The following ZNRF1 variants were observed in gnomAD, a reference collection of about 807,000 sequenced individuals.
ZNRF1 encodes the protein zinc and ring finger 1, also known as E3 ubiquitin-protein ligase ZNRF1.
Under a neutral mutation model 18.4 loss-of-function variants are expected in ZNRF1, and 3 were observed. The ratio of observed to expected loss-of-function variants is 0.16; its 90% confidence interval spans 0.07 to 0.42. The LOEUF is 0.42. Ranked by LOEUF, ZNRF1 falls within the 10% of genes least tolerant of loss-of-function variation. The pLI is 0.99. For missense variants in ZNRF1, 310 were observed against 329.8 expected, an observed-to-expected ratio of 0.94 and a Z score of 0.47; for synonymous variants, 157 against 144.2, an observed-to-expected ratio of 1.09 and a Z score of -0.64.
At chr16:75,094,471 C>T (rs2036176379) in intron 2 of ZNRF1, among the ~76,000 whole-genome samples, 1 of 152,218 alleles carries the variant, frequency 6.6e-6, no homozygotes, top group Non-Finnish European at 1.5e-5. Context: ...TCAAATCTCC[C>T]TCTACCACTC....
chr16:75,066,874 T>C (rs549531533), intron 1 of ZNRF1, among the ~76,000 whole-genome samples: 1 of 152,308 alleles, frequency 6.6e-6, no homozygotes, highest in East Asian at 1.9e-4. Context: ...TTTCAGTAAC[T>C]GTGGGGTAAC....
intron 4 of ZNRF1, 41 bp from the exon 5 acceptor site, chr16:75,107,692 C>T (rs763203936): frequency 2.6e-5 from 12 of 456,142 alleles, no homozygotes; most frequent in African/African-American, 8.0e-5. Flanking sequence ...AGACAGCCCT[C>T]GGCCCGATGG....
At chr16:75,081,789 C>G (rs1170741419) in intron 1 of ZNRF1, among the ~76,000 whole-genome samples, 1 of 152,166 alleles carries the variant, frequency 6.6e-6, no homozygotes, top group Non-Finnish European at 1.5e-5. Flanking sequence ...AATTCTTGGG[C>G]TACTGCACCA....
At chr16:75,000,213 T>G in intron 1 of ZNRF1, 118 bp downstream of exon 1, 2 of 1,409,448 alleles carry the variant, frequency 1.4e-6, no homozygotes, top group Non-Finnish European at 1.9e-6. Context: ...TGCATTCCCT[T>G]TGGTTCCCGA....
intron 1 of ZNRF1, among the ~76,000 whole-genome samples, chr16:75,065,123 C>G (rs1180382919): frequency 6.6e-6 from 1 of 152,252 alleles, no homozygotes. Flanking sequence ...ATACCAATCC[C>G]ATTGCCTTGG....
intron 1 of ZNRF1, among the ~76,000 whole-genome samples, chr16:75,020,681 A>C (rs982225471): frequency 6.6e-6 from 1 of 151,998 alleles, no homozygotes; most frequent in Admixed American, 6.6e-5. Flanking sequence ...AGCTGGGACT[A>C]CAGGCGCTCG....
chr16:75,030,960 C>A (rs771504034), intron 1 of ZNRF1, among the ~76,000 whole-genome samples: 2 of 151,008 alleles, frequency 1.3e-5, no homozygotes, highest in African/African-American at 4.9e-5. Context: ...TCCTCAGCCT[C>A]CTAAATAGCT....
At chr16:75,062,268 G>A (rs1047276380) in intron 1 of ZNRF1, among the ~76,000 whole-genome samples, 4 of 152,194 alleles carry the variant, frequency 2.6e-5, no homozygotes, top group Non-Finnish European at 2.9e-5. Context: ...GGGAAGCAGC[G>A]TGGAGCACAG....
chr16:75,010,699 C>CTTTTTTTTTTTT (rs1567464687), intron 1 of ZNRF1, among the ~76,000 whole-genome samples: 1 of 103,110 alleles, frequency 9.7e-6, no homozygotes, highest in African/African-American at 3.5e-5. Flanking sequence ...CTGTACTGTA[C>CTTTTTTTTTTTT]TGTTTTTTTT....
chr16:75,090,866 T>A (rs1384632583), intron 1 of ZNRF1, among the ~76,000 whole-genome samples: 1 of 152,102 alleles, frequency 6.6e-6, no homozygotes, highest in African/African-American at 2.4e-5. Context: ...GCCACCAGAG[T>A]CACGGCTTTT....
At chr16:75,086,781 C>T (rs533676429) in intron 1 of ZNRF1, among the ~76,000 whole-genome samples, 11 of 152,296 alleles carry the variant, frequency 7.2e-5, no homozygotes, top group African/African-American at 2.6e-4. Flanking sequence ...TCTCTGAGCT[C>T]CTCAGCCAAG....
intron 2 of ZNRF1, among the ~76,000 whole-genome samples, chr16:75,094,820 C>T (rs1299161509): frequency 6.6e-6 from 1 of 152,198 alleles, no homozygotes; most frequent in African/African-American, 2.4e-5. Context: ...CGGCATCTTC[C>T]ACTAGACCAG....
At chr16:75,000,249 C>G in intron 1 of ZNRF1, 154 bp downstream of exon 1, 2 of 1,123,104 alleles carry the variant, frequency 1.8e-6, no homozygotes, top group Non-Finnish European at 2.6e-6. Context: ...GGGATACCTA[C>G]CGTCTGGAAA....
intron 1 of ZNRF1, among the ~76,000 whole-genome samples, chr16:75,074,540 G>A (rs926000398): frequency 1.3e-5 from 2 of 152,152 alleles, no homozygotes; most frequent in Non-Finnish European, 2.9e-5. Flanking sequence ...AAGATCAGAT[G>A]ACCATATAAT....
chr16:75,079,319 A>C (rs1469180429), intron 1 of ZNRF1, among the ~76,000 whole-genome samples: 1 of 152,162 alleles, frequency 6.6e-6, no homozygotes, highest in Non-Finnish European at 1.5e-5. Flanking sequence ...GTCTCTACTA[A>C]AAATACAAAA....
intron 1 of ZNRF1, among the ~76,000 whole-genome samples, chr16:75,054,335 A>C (rs2035643375): frequency 6.6e-6 from 1 of 152,216 alleles, no homozygotes; most frequent in South Asian, 2.1e-4. Flanking sequence ...CTAAAAGTCC[A>C]TTTGTGGTGA....
intron 1 of ZNRF1, among the ~76,000 whole-genome samples, chr16:75,092,431 A>C (rs919152869): frequency 6.6e-6 from 1 of 152,218 alleles, no homozygotes; most frequent in African/African-American, 2.4e-5. Context: ...TCACAGTCAC[A>C]AAAGGGAGAA....
At chr16:75,003,618 C>T (rs952858677) in intron 1 of ZNRF1, among the ~76,000 whole-genome samples, 3 of 152,164 alleles carry the variant, frequency 2.0e-5, no homozygotes, top group Non-Finnish European at 4.4e-5. Context: ...AACCTGGGCT[C>T]TTAACCAGTA....
intron 1 of ZNRF1, among the ~76,000 whole-genome samples, chr16:75,005,757 A>T (rs2034908832): frequency 6.6e-6 from 1 of 152,176 alleles, no homozygotes; most frequent in Non-Finnish European, 1.5e-5. Flanking sequence ...AATTATAACA[A>T]TATACTGTGA....
Sources: gnomAD v4.1 joint callset for allele counts (sites outside exome capture counted in the v4.1 genomes callset) on GRCh38, gnomAD v4.1.1 for gene constraint, MANE v1.5 for transcripts, NCBI Gene and HGNC (gene_info 2026-07-23, HGNC 2026-07-21) for gene names.